Variants in FRMD3 observed in about 807,000 individuals in gnomAD.
FRMD3 encodes FERM domain containing 3.
In FRMD3, 33 loss-of-function variants were observed where a neutral mutation model predicts 70.2. The ratio of observed to expected loss-of-function variants is 0.47; its 90% confidence interval spans 0.36 to 0.63. The LOEUF (loss-of-function observed/expected upper bound fraction) is 0.63. FRMD3 is among the 20% of genes least tolerant of loss of function. FRMD3 has a pLI of 0.00. For missense variants in FRMD3, 632 were observed against 711.4 expected (o/e 0.89, Z 1.27); for synonymous variants, 279 against 255.9 (o/e 1.09, Z -0.86).
intron 1 of FRMD3, among the ~76,000 whole-genome samples, chr9:83,417,481 A>G (rs1437880954): frequency 6.6e-6 from 1 of 152,206 alleles, no homozygotes; most frequent in Admixed American, 6.5e-5. Context: ...ATAGCTTGAA[A>G]ATTACTAAGC....
intron 1 of FRMD3, among the ~76,000 whole-genome samples, chr9:83,399,259 G>A (rs769889051): frequency 1.3e-5 from 2 of 152,182 alleles, no homozygotes; most frequent in Admixed American, 6.5e-5. Context: ...AGTTAGTAAC[G>A]TTTGCCTCTT....
At position 83,467,517 on chromosome 9, in the gene FRMD3, C is replaced by G. The variant is rs902153252; in HGVS notation, c.147+70568G>C. 5 of 813,768 alleles carry G rather than the reference C, an allele frequency of 6.1e-6. No homozygotes were observed. The African/African-American group carries it at 8.5e-5, about 14-fold the overall frequency. The allele number at this position is 813,768 out of a possible 1,614,324, so 50.4% of individuals were successfully genotyped here. ...TTTCACATCCCCTTCTAATTTGTTT[C>G]AGTGAAAATAATTCAAAACATTGCA... On this transcript the variant is annotated intron_variant, in intron 1 of 13. Transcript: ENST00000304195.
At chr9:83,403,932 G>A (rs1003220078) in intron 1 of FRMD3, among the ~76,000 whole-genome samples, 1 of 152,012 alleles carries the variant, frequency 6.6e-6, no homozygotes, top group Non-Finnish European at 1.5e-5. Context: ...CCCTGTGAAG[G>A]TCTAATGTCT....
At chr9:83,475,931 C>T (rs1436072297) in intron 1 of FRMD3, among the ~76,000 whole-genome samples, 3 of 152,174 alleles carry the variant, frequency 2.0e-5, no homozygotes, top group African/African-American at 4.8e-5. Context: ...TCCCCCCAGG[C>T]CTCACTTACG....
At chr9:83,441,545 A>C (rs1306402114) in intron 1 of FRMD3, among the ~76,000 whole-genome samples, 1 of 152,218 alleles carries the variant, frequency 6.6e-6, no homozygotes, top group Non-Finnish European at 1.5e-5. Flanking sequence ...CCCCAGCCAG[A>C]ATGATCATAA....
the FRMD3 span, among the ~76,000 whole-genome samples, chr9:83,570,248 C>T: frequency 1.3e-5 from 2 of 152,076 alleles, no homozygotes; most frequent in African/African-American, 4.8e-5. Flanking sequence ...AACTTATAAC[C>T]AGAATACATA....
At chr9:83,357,757 T>G (rs981750557) in intron 3 of FRMD3, among the ~76,000 whole-genome samples, 1 of 152,210 alleles carries the variant, frequency 6.6e-6, no homozygotes, top group African/African-American at 2.4e-5. Context: ...CTTAGCCCAC[T>G]TTTTGATGGG....
chr9:83,463,599 T>G (rs1473369138), intron 1 of FRMD3, among the ~76,000 whole-genome samples: 1 of 152,146 alleles, frequency 6.6e-6, no homozygotes, highest in Non-Finnish European at 1.5e-5. Flanking sequence ...CACATGGGGA[T>G]TATGGGAACT....
At chr9:83,379,250 G>T (rs547680357) in intron 2 of FRMD3, among the ~76,000 whole-genome samples, 9 of 152,116 alleles carry the variant, frequency 5.9e-5, no homozygotes, top group African/African-American at 1.9e-4. Flanking sequence ...TGCTATTATT[G>T]GAGGTACAGA....
chr9:83,530,949 C>T (rs1290791062), intron 1 of FRMD3, among the ~76,000 whole-genome samples: 2 of 152,168 alleles, frequency 1.3e-5, no homozygotes, highest in Admixed American at 6.5e-5. Flanking sequence ...GCACCTTAAG[C>T]TAATCAGCAC....
intron 2 of FRMD3, among the ~76,000 whole-genome samples, chr9:83,378,063 G>A (rs1279097805): frequency 1.3e-5 from 2 of 151,988 alleles, no homozygotes; most frequent in South Asian, 2.1e-4. Flanking sequence ...GACTTAGAGC[G>A]AGTTCCCTGG....
intron 1 of FRMD3, among the ~76,000 whole-genome samples, chr9:83,506,802 A>G (rs2131522347): frequency 6.6e-6 from 1 of 152,330 alleles, no homozygotes; most frequent in Admixed American, 6.5e-5. Context: ...GACTTTTGTA[A>G]TAATACTTAG....
chr9:83,575,861 T>C, the FRMD3 span, among the ~76,000 whole-genome samples: 1 of 152,166 alleles, frequency 6.6e-6, no homozygotes, highest in Non-Finnish European at 1.5e-5. Context: ...CATACTCTTC[T>C]AGAAAATAGA....
Position 83,537,338 on chromosome 9 carries a change from G to A in FRMD3, c.147+747C>T, listed in dbSNP as rs1160059374. ...TGAATGTCCACCAAGATTCCACGGG[G>A]CTCTTTTACCCAGGACCCAGGTTCC... On this transcript the variant is annotated intron_variant, in intron 1 of 13. Coordinates refer to ENST00000304195, the MANE Select transcript of FRMD3 (RefSeq NM_174938.6). This position sits in a 1 kb window ranked among gnomAD's most constrained non-coding sequence, Gnocchi z 4.1. Among the ~76,000 whole-genome samples the A allele has an allele frequency of 6.6e-6, 1 of 152,176 alleles. No individual in the cohort carries two copies. Among genetic ancestry groups the A allele is most frequent in the Non-Finnish European group, 1.5e-5 (1 of 68,034 alleles).
intron 1 of FRMD3, among the ~76,000 whole-genome samples, chr9:83,525,070 T>A (rs1829656488): frequency 6.6e-6 from 1 of 152,218 alleles, no homozygotes; most frequent in African/African-American, 2.4e-5. Flanking sequence ...ATTTTTATCA[T>A]TATATTCATT....
chr9:83,317,375 G>C (rs1209182367), intron 6 of FRMD3, among the ~76,000 whole-genome samples: 1 of 152,036 alleles, frequency 6.6e-6, no homozygotes, highest in African/African-American at 2.4e-5. Flanking sequence ...ACCAGGACCA[G>C]AGCCAAAGCA....
chr9:83,349,491 C>G (rs900109375), intron 4 of FRMD3, among the ~76,000 whole-genome samples, 188 bp downstream of exon 4: 1 of 152,146 alleles, frequency 6.6e-6, no homozygotes, highest in Admixed American at 6.5e-5. Flanking sequence ...CTCTCAATGA[C>G]AATTGTTTTT....
chr9:83,491,711 G>A (rs1441047426), intron 1 of FRMD3, among the ~76,000 whole-genome samples: 2 of 152,172 alleles, frequency 1.3e-5, no homozygotes, highest in Admixed American at 6.5e-5. Flanking sequence ...AAACCACCTC[G>A]GATGCCTCCT....
intron 1 of FRMD3, among the ~76,000 whole-genome samples, chr9:83,433,337 CAGG>C (rs1827036653): frequency 6.6e-6 from 1 of 152,178 alleles, no homozygotes; most frequent in African/African-American, 2.4e-5. Context: ...ATAACGGAAG[CAGG>C]AGGTTAGGAC....
Sources: gnomAD v4.1 joint callset for allele counts (sites outside exome capture counted in the v4.1 genomes callset) on GRCh38, gnomAD v4.1.1 for gene constraint, Gnocchi (gnomAD v3.1) non-coding constraint, MANE v1.5 for transcripts, NCBI Gene and HGNC (gene_info 2026-07-23, HGNC 2026-07-21) for gene names.